The following CBX1 variants were observed in gnomAD, a reference collection of about 807,000 sequenced individuals.
CBX1 encodes chromobox 1, also known as chromobox protein homolog 1.
In CBX1, 10 loss-of-function variants were observed where a neutral mutation model predicts 25.1. The observed-to-expected ratio is 0.40, with a 90% CI of 0.25 to 0.68. The LOEUF (loss-of-function observed/expected upper bound fraction) is 0.68, where lower values mean the gene tolerates loss of function less well. CBX1 is among the 30% of genes least tolerant of loss of function. The probability of loss-of-function intolerance (pLI) is 0.40; values close to 1 mark genes in which losing one functional copy is unlikely to be tolerated. For synonymous variants in CBX1, 63 were observed against 79.4 expected (o/e 0.79, Z 1.10); for missense variants, 106 against 218.5 (o/e 0.49, Z 3.25).
chr17:48,096,410 G>C (rs1312721929), intron 1 of CBX1: 1 of 977,590 alleles, frequency 1.0e-6, no homozygotes, highest in Non-Finnish European at 1.2e-6. Context: ...TTTCAAAGGT[G>C]AATTTAAGAT....
At chr17:48,082,762 G>A (rs1425836307) in intron 1 of CBX1, among the ~76,000 whole-genome samples, 3 of 149,298 alleles carry the variant, frequency 2.0e-5, no homozygotes, top group Admixed American at 1.3e-4. Flanking sequence ...GGTCTCAAAC[G>A]CTTGACCTCA....
intron 1 of CBX1, among the ~76,000 whole-genome samples, chr17:48,090,088 T>C (rs978434354): frequency 6.6e-6 from 1 of 151,772 alleles, no homozygotes; most frequent in Non-Finnish European, 1.5e-5. Flanking sequence ...GTATTTTTAG[T>C]AGAGATGGAG....
intron 4 of CBX1, among the ~76,000 whole-genome samples, chr17:48,074,220 CTGTGTG>C (rs34047980): frequency 1.0e-4 from 15 of 150,658 alleles, no homozygotes; most frequent in African/African-American, 3.2e-4. Context: ...GCTCCATAGA[CTGTGTG>C]TGTGTGTGTG....
At chr17:48,099,548 C>G (rs918379159) in intron 1 of CBX1, among the ~76,000 whole-genome samples, 5 of 152,176 alleles carry the variant, frequency 3.3e-5, no homozygotes, top group African/African-American at 1.2e-4. Context: ...AATACAAGTG[C>G]TTTTCAATCA....
Position 48,101,442 on chromosome 17 carries a change from CAA to C in CBX1, c.-214_-213del. On this transcript the variant is annotated 5_prime_UTR_variant, in exon 1 of 5. Transcript: ENST00000225603. ...GCCAACGGCCCTCCCCTCAGCCGAA[CAA>C]AAGAGCCTCGCAGTCTGCGCTGCCC... 2 of 985,650 alleles carry C rather than the reference CAA, an allele frequency of 2.0e-6. No individual in the cohort carries two copies. The highest frequency in any genetic ancestry group is 2.4e-6 in the Non-Finnish European group (2 of 830,104). 61.1% of individuals were successfully genotyped at this position (985,650 alleles called of 1,614,324 possible).
At chr17:48,080,960 A>G (rs1276052892) in intron 1 of CBX1, among the ~76,000 whole-genome samples, 3 of 25,804 alleles carry the variant, frequency 1.2e-4, no homozygotes, top group Admixed American at 5.2e-4. Flanking sequence ...AAATATATAT[A>G]TATATATATA....
intron 4 of CBX1, among the ~76,000 whole-genome samples, chr17:48,073,879 T>A (rs1342193880): frequency 6.8e-6 from 1 of 146,582 alleles, no homozygotes; most frequent in Non-Finnish European, 1.5e-5. Flanking sequence ...AGTACAATCT[T>A]AAGCAATATG....
chr17:48,098,089 T>A (rs2063385341), intron 1 of CBX1, among the ~76,000 whole-genome samples: 1 of 151,898 alleles, frequency 6.6e-6, no homozygotes, highest in Non-Finnish European at 1.5e-5. Context: ...ACAGAGACTG[T>A]CCCCACAAAA....
intron 1 of CBX1, among the ~76,000 whole-genome samples, chr17:48,095,130 G>A (rs2063366946): frequency 6.6e-6 from 1 of 151,928 alleles, no homozygotes; most frequent in South Asian, 2.1e-4. Flanking sequence ...TCAAGACCCA[G>A]CTTAAAAATG....
At chr17:48,091,823 G>C (rs1490982962) in intron 1 of CBX1, among the ~76,000 whole-genome samples, 4 of 151,076 alleles carry the variant, frequency 2.6e-5, no homozygotes, top group Admixed American at 2.6e-4. Flanking sequence ...CATTACAGGC[G>C]TGAGCCACCA....
rs1161238611 is a variant in CBX1, at chr17:48,076,909, T to C, written c.96A>G (p.Val32=). The C allele has an allele frequency of 1.2e-6, 2 of 1,613,450 alleles. No homozygotes were observed. Among genetic ancestry groups the C allele is most frequent in the African/African-American group, 2.7e-5 (2 of 75,022 alleles). Residue 32 remains valine (V), a synonymous_variant, in exon 2 of 5, where the codon GTA becomes GTG. Coordinates refer to ENST00000225603, the MANE Select transcript of CBX1 (RefSeq NM_001127228.2). The part of the protein sequence containing the change: ...VVEKVLDRRV[V]KGKVEYLLKW... ...TTAGGAGGTACTCCACTTTGCCCTT[T>C]ACCACTCGACGGTCGAGAACTTTTT... is the stretch of plus-strand genomic sequence containing the variant.
rs1452641277 is a variant in CBX1, at chr17:48,100,617, A to C, written c.-38+651T>G. 4.9e-6 allele frequency: 3 copies of C among 612,906 alleles called. No homozygotes were observed. The African/African-American group carries it at 6.0e-5, about 12-fold the overall frequency. The allele number at this position is 612,906 out of a possible 1,614,324, so 38.0% of individuals were successfully genotyped here. On this transcript the variant is annotated intron_variant, in intron 1 of 4. Transcript: ENST00000225603. ...CCTTTTTTCTTACATACCTTATAGA[A>C]ATATTCTCGGGATCTCCGCCCTACT...
At chr17:48,077,454 G>GTTT (rs1555577819) in intron 1 of CBX1, among the ~76,000 whole-genome samples, 2 of 131,588 alleles carry the variant, frequency 1.5e-5, no homozygotes, top group Non-Finnish European at 1.6e-5. Context: ...TGTTTTTTTT[G>GTTT]TTTTTTTTTT....
At chr17:48,074,874 T>C (rs1440568022) in intron 4 of CBX1, 132 bp downstream of exon 4, 1 of 731,094 alleles carries the variant, frequency 1.4e-6, no homozygotes, top group South Asian at 1.6e-5. Flanking sequence ...AGGGTCACTA[T>C]CGAAGGACTA....
intron 1 of CBX1, among the ~76,000 whole-genome samples, chr17:48,093,418 G>C (rs943822798): frequency 2.0e-5 from 3 of 152,208 alleles, no homozygotes; most frequent in Non-Finnish European, 2.9e-5. Context: ...GCAATAAAAA[G>C]TAGCCATAAA....
chr17:48,087,745 G>C (rs1049913905), intron 1 of CBX1, among the ~76,000 whole-genome samples: 1 of 151,310 alleles, frequency 6.6e-6, no homozygotes, highest in Non-Finnish European at 1.5e-5. Context: ...AGTGGCACAC[G>C]CATGTAGTCC....
At chr17:48,097,573 C>T (rs1014139503) in intron 1 of CBX1, among the ~76,000 whole-genome samples, 1 of 150,746 alleles carries the variant, frequency 6.6e-6, no homozygotes, top group Admixed American at 6.6e-5. Context: ...GCTGAGATCG[C>T]GCCACTGCAC....
chr17:48,100,443 C>CT (rs1255729589), intron 1 of CBX1: 1 of 152,280 alleles, frequency 6.6e-6, no homozygotes, highest in Non-Finnish European at 1.5e-5. Context: ...TGCACTTGGA[C>CT]TTTTTTAACT....
Position 48,071,439 on chromosome 17 carries a change from TTCTTG to T in CBX1, c.549_553del (p.Asp183GlufsTer13). ...AGGGGCTGGTACTCAGGAGCGTTAG[TTCTTG>T]TCATCTTTTTTGTCATCATCCTCCG... is the stretch of plus-strand genomic sequence containing the variant. On this transcript the variant is annotated frameshift_variant, in exon 5 of 5. Transcript: ENST00000225603. LOFTEE classifies it high-confidence loss of function. 1.2e-6 allele frequency: 2 copies of T among 1,608,720 alleles called. No individual in the cohort carries two copies. Among genetic ancestry groups the T allele is most frequent in the Non-Finnish European group, 1.7e-6 (2 of 1,178,108 alleles).
Sources: allele counts gnomAD v4.1 joint callset (sites outside exome capture counted in the v4.1 genomes callset), GRCh38; gene constraint gnomAD v4.1.1; transcripts MANE v1.5; gene names NCBI Gene and HGNC (gene_info 2026-07-23, HGNC 2026-07-21).